The following PTAR1 variants were observed in gnomAD, a reference collection of about 807,000 sequenced individuals.
PTAR1 encodes protein prenyltransferase alpha subunit repeat containing 1, also known as protein prenyltransferase alpha subunit repeat-containing protein 1.
PTAR1 carries 17 observed loss-of-function variants against 45.5 expected under a neutral mutation model. The ratio of observed to expected loss-of-function variants is 0.37; its 90% CI spans 0.26 to 0.56. The LOEUF (loss-of-function observed/expected upper bound fraction) is 0.56. Ranked by LOEUF, PTAR1 falls within the 20% of genes least tolerant of loss-of-function variation. PTAR1 has a pLI of 0.77. For synonymous variants in PTAR1, 169 were observed against 171.3 expected (o/e 0.99, Z 0.11); for missense variants, 391 against 476.3 (o/e 0.82, Z 1.67).
At chr9:69,756,955 G>A (rs1826806202) in intron 1 of PTAR1, among the ~76,000 whole-genome samples, 1 of 152,148 alleles carries the variant, frequency 6.6e-6, no homozygotes, top group South Asian at 2.1e-4. Context: ...TCATATTAGG[G>A]ACACTTCAAT....
chr9:69,738,047 T>C (rs1288622727), intron 3 of PTAR1, among the ~76,000 whole-genome samples: 1 of 152,346 alleles, frequency 6.6e-6, no homozygotes, highest in South Asian at 2.1e-4. Flanking sequence ...CCTTTTCCTC[T>C]TCTAAAGTTC....
At chr9:69,730,932 C>T (rs975242404) in intron 5 of PTAR1, among the ~76,000 whole-genome samples, 1 of 152,064 alleles carries the variant, frequency 6.6e-6, no homozygotes, top group Admixed American at 6.6e-5. Flanking sequence ...TTAACTCTCA[C>T]AATAATCCAC....
intron 5 of PTAR1, among the ~76,000 whole-genome samples, chr9:69,731,244 G>T (rs1588457149): frequency 6.6e-6 from 1 of 152,058 alleles, no homozygotes; most frequent in African/African-American, 2.4e-5. Flanking sequence ...AGAAGAGGGT[G>T]GTAAGTTAAA....
Position 69,759,965 on chromosome 9 carries a change from C to A in PTAR1, c.-27G>T, listed in dbSNP as rs368924011. On this transcript the variant is annotated 5_prime_UTR_variant, in exon 1 of 8. Coordinates refer to ENST00000340434, the MANE Select transcript of PTAR1 (RefSeq NM_001099666.2). ...TTGGCGGCGGCCGCGACAGTTCGGG[C>A]GCGCCTCCGCGTGAGCCGGGCCGCC... The A allele has an allele frequency of 9.8e-4, 1,423 of 1,450,792 alleles. 1 individual carries two copies. The highest frequency in any genetic ancestry group is 1.2e-3 in the Non-Finnish European group (1,313 of 1,094,152). 89.9% of individuals were successfully genotyped at this position (1,450,792 alleles called of 1,614,324 possible).
intron 2 of PTAR1, among the ~76,000 whole-genome samples, chr9:69,746,415 A>G (rs1826278627): frequency 6.6e-6 from 1 of 152,212 alleles, no homozygotes; most frequent in Non-Finnish European, 1.5e-5. Context: ...CTTTCACTCT[A>G]CCACACTACA....
chr9:69,728,059 C>T (rs544277139), intron 5 of PTAR1, among the ~76,000 whole-genome samples: 1 of 152,138 alleles, frequency 6.6e-6, no homozygotes, highest in Non-Finnish European at 1.5e-5. Context: ...AATATGTGGC[C>T]TTGAATCTGA....
At chr9:69,732,767 C>T (rs962571017) in intron 4 of PTAR1, among the ~76,000 whole-genome samples, 1 of 151,978 alleles carries the variant, frequency 6.6e-6, no homozygotes, top group African/African-American at 2.4e-5. Context: ...TATATGCATG[C>T]CTCACCCTAT....
At chr9:69,728,873 A>C (rs1294383368) in intron 5 of PTAR1, among the ~76,000 whole-genome samples, 1 of 152,204 alleles carries the variant, frequency 6.6e-6, no homozygotes. Context: ...CTAGAAAACA[A>C]ATATATGCTT....
At chr9:69,753,294 T>C (rs1826615201) in intron 1 of PTAR1, among the ~76,000 whole-genome samples, 1 of 152,174 alleles carries the variant, frequency 6.6e-6, no homozygotes, top group Admixed American at 6.5e-5. Context: ...GTCTGTTCTT[T>C]CAAGAAATAC....
At chr9:69,744,012 A>T (rs915719082) in intron 2 of PTAR1, among the ~76,000 whole-genome samples, 2 of 152,200 alleles carry the variant, frequency 1.3e-5, no homozygotes, top group African/African-American at 4.8e-5. Flanking sequence ...AAAAAGTATG[A>T]GCAAAGATAA....
At chr9:69,753,159 A>T (rs1277954684) in intron 1 of PTAR1, among the ~76,000 whole-genome samples, 2 of 151,814 alleles carry the variant, frequency 1.3e-5, no homozygotes, top group Non-Finnish European at 2.9e-5. Flanking sequence ...TTAAACTTAA[A>T]TTCACAATAT....
At chr9:69,750,230 T>C (rs761314896) in intron 2 of PTAR1, among the ~76,000 whole-genome samples, 2 of 151,906 alleles carry the variant, frequency 1.3e-5, no homozygotes, top group Non-Finnish European at 2.9e-5. Context: ...CGGATAGTTT[T>C]GTTTTGCTCA....
At position 69,718,045 on chromosome 9, in the gene PTAR1, C is replaced by G; in HGVS notation, c.*297G>C. On this transcript the variant is annotated 3_prime_UTR_variant, in exon 8 of 8. Coordinates refer to ENST00000340434, the MANE Select transcript of PTAR1 (RefSeq NM_001099666.2). ...GGGGGTAGAGGTGTGTGTGTGTGAA[C>G]CAATCAGGAAAACCAAATGAGAAGC... 3.8e-6 allele frequency: 1 copy of G among 262,112 alleles called. No individual in the cohort carries two copies. Among genetic ancestry groups the G allele is most frequent in the Non-Finnish European group, 7.3e-6 (1 of 137,444 alleles). The allele number at this position is 262,112 out of a possible 1,614,324, so 16.2% of individuals were successfully genotyped here.
At position 69,711,498 on chromosome 9, in the gene PTAR1, A is replaced by C. The variant is rs1002790366; in HGVS notation, c.*6844T>G. On this transcript the variant is annotated 3_prime_UTR_variant, in exon 8 of 8. Coordinates refer to ENST00000340434, the MANE Select transcript of PTAR1 (RefSeq NM_001099666.2). The stretch of plus-strand genomic sequence containing the variant: ...ATGCCAAAGATGTTCTGAGAAAACA[A>C]GCAGAAGTTTATTGTAACTTCACAT... 6.6e-6 allele frequency: 1 copy of C among 152,210 alleles called. No individual in the cohort carries two copies. The highest frequency in any genetic ancestry group is 1.5e-5 in the Non-Finnish European group (1 of 68,036). The allele number at this position is 152,210 out of a possible 1,614,324, so 9.4% of individuals were successfully genotyped here.
intron 6 of PTAR1, among the ~76,000 whole-genome samples, 191 bp downstream of exon 6, chr9:69,723,135 A>G (rs376563203): frequency 1.8e-3 from 53 of 30,096 alleles, no homozygotes; most frequent in African/African-American, 3.0e-3. Context: ...GGAATCTCTT[A>G]TTAATGATGA....
In PTAR1 at chr9:69,711,585, C is replaced by T. The variant is rs951104312; in HGVS notation, c.*6757G>A. On this transcript the variant is annotated 3_prime_UTR_variant, in exon 8 of 8. Transcript: ENST00000340434. ...AAGATTTAAGGAAAAATAAAAAGAA[C>T]CTAAACCCGATAGTACTGGATATAC... 1 of 152,120 alleles carries T rather than the reference C, an allele frequency of 6.6e-6. No homozygotes were observed. Among genetic ancestry groups the T allele is most frequent in the Non-Finnish European group, 1.5e-5 (1 of 68,010 alleles). 9.4% of individuals were successfully genotyped at this position (152,120 alleles called of 1,614,324 possible).
chr9:69,732,227 C>T lies in PTAR1; in HGVS notation c.554G>A (p.Gly185Asp). The change falls in exon 5 of 8, where the codon GGT becomes GAT. Residue 185 changes from glycine to aspartate, a missense_variant. This residue lies in a region of PTAR1 where 46 missense variants were observed against 39.6 expected (regional missense o/e 1.16). Coordinates refer to ENST00000340434, the MANE Select transcript of PTAR1 (RefSeq NM_001099666.2). Reference protein sequence around the residue: ...RLIQEEMEVCGEAAGRYPSNY... With the variant: ...RLIQEEMEVCDEAAGRYPSNY... The stretch of plus-strand genomic sequence containing the variant: ...GCTTGGGTATCTCCCTGCTGCTTCA[C>T]CACAGACCTCCATCTCTTCTTGTAT... The T allele has an allele frequency of 1.2e-6, 2 of 1,613,838 alleles. No homozygotes were observed. Among genetic ancestry groups the T allele is most frequent in the Non-Finnish European group, 1.7e-6 (2 of 1,179,782 alleles).
At chr9:69,728,362 A>G (rs1825380075) in intron 5 of PTAR1, among the ~76,000 whole-genome samples, 1 of 152,178 alleles carries the variant, frequency 6.6e-6, no homozygotes. Context: ...TATATTAACT[A>G]TAGTTTTATT....
At chr9:69,730,544 C>T (rs1825486539) in intron 5 of PTAR1, among the ~76,000 whole-genome samples, 1 of 150,296 alleles carries the variant, frequency 6.7e-6, no homozygotes, top group Non-Finnish European at 1.5e-5. Flanking sequence ...CTCCATATCC[C>T]TGACAACCCA....
Sources: allele counts gnomAD v4.1 joint callset (sites outside exome capture counted in the v4.1 genomes callset), GRCh38; gene constraint gnomAD v4.1.1; regional missense constraint gnomAD v4.1.1; transcripts MANE v1.5; gene names NCBI Gene and HGNC (gene_info 2026-07-23, HGNC 2026-07-21).